Variants in NOSTRIN observed in about 807,000 individuals in gnomAD.
NOSTRIN encodes nitric oxide synthase trafficking.
Under a neutral mutation model 59.0 loss-of-function variants are expected in NOSTRIN, and 63 were observed. The observed-to-expected ratio is 1.07, with a 90% CI of 0.87 to 1.32. The LOEUF (loss-of-function observed/expected upper bound fraction) is 1.32. NOSTRIN is among the 40% of genes most tolerant of loss of function. The pLI is 0.00. For missense variants in NOSTRIN, 512 were observed against 473.1 expected (o/e 1.08, Z -0.76); for synonymous variants, 200 against 165.4 (o/e 1.21, Z -1.61).
At chr2:168,852,525 G>A (rs943862845) in intron 10 of NOSTRIN, among the ~76,000 whole-genome samples, 5 of 152,148 alleles carry the variant, frequency 3.3e-5, no homozygotes, top group South Asian at 4.1e-4. Flanking sequence ...TTCTGATAGC[G>A]TTTCCCTGGG....
intron 5 of NOSTRIN, among the ~76,000 whole-genome samples, chr2:168,830,806 T>C (rs2105648143): frequency 6.6e-6 from 1 of 152,308 alleles, no homozygotes; most frequent in South Asian, 2.1e-4. Flanking sequence ...TTTCATAGTG[T>C]TGAGGTTTTT....
intron 7 of NOSTRIN, among the ~76,000 whole-genome samples, chr2:168,835,472 C>G (rs139331194): frequency 6.6e-6 from 1 of 152,114 alleles, no homozygotes; most frequent in Non-Finnish European, 1.5e-5. Context: ...AACTCACAAC[C>G]AGGAGAGGTG....
At chr2:168,812,952 G>A (rs548367) in intron 2 of NOSTRIN, among the ~76,000 whole-genome samples, 55,469 of 152,044 alleles carry the variant, frequency 0.36, 11,079 homozygotes, top group South Asian at 0.6. Context: ...AGATATGAGC[G>A]AGCTGAAACA....
At chr2:168,845,432 A>G (rs2105730070) in intron 8 of NOSTRIN, among the ~76,000 whole-genome samples, 1 of 152,300 alleles carries the variant, frequency 6.6e-6, no homozygotes, top group South Asian at 2.1e-4. Context: ...TCACCCTTCT[A>G]CCTACATCGC....
At chr2:168,844,000 T>C (rs973069565) in intron 8 of NOSTRIN, among the ~76,000 whole-genome samples, 1 of 152,206 alleles carries the variant, frequency 6.6e-6, no homozygotes, top group Admixed American at 6.5e-5. Context: ...ATTTGGAAAG[T>C]GAACTAATAT....
rs185203685 is a variant in NOSTRIN, at chr2:168,846,486, T to C, written c.630+3369T>C. 5.9e-5 allele frequency among the ~76,000 whole-genome samples: 9 copies of C among 152,344 alleles called. No individual in the cohort carries two copies. The East Asian group carries it at 1.4e-3, about 23-fold the overall frequency. On this transcript the variant is annotated intron_variant, in intron 8 of 15. Coordinates refer to ENST00000317647, the MANE Select transcript of NOSTRIN (RefSeq NM_001039724.4). ...AGTGTAGTAGATACTGTGAGAAATA[T>C]TGTAAAGCCTCAAATGTGACTATAA...
At chr2:168,863,921 T>TTA (rs1298936046) in intron 15 of NOSTRIN, among the ~76,000 whole-genome samples, 16 of 152,232 alleles carry the variant, frequency 1.1e-4, no homozygotes, top group African/African-American at 3.9e-4. Flanking sequence ...TTTTTTATTT[T>TTA]TTTTTTTGAG....
At chr2:168,790,123 C>T (rs763872718) in intron 2 of NOSTRIN, among the ~76,000 whole-genome samples, 12 of 152,094 alleles carry the variant, frequency 7.9e-5, no homozygotes, top group Admixed American at 6.5e-5. Context: ...CTCTTTGCCT[C>T]GTGTGTTGAA....
At position 168,856,762 on chromosome 2, in the gene NOSTRIN, C is replaced by T; in HGVS notation, c.1037C>T (p.Ala346Val). Residue 346 changes from alanine (A) to valine (V), a missense_variant, in exon 12 of 16, where the codon GCA becomes GTA. Transcript: ENST00000317647. ...FSDAKSQKDT[A>V]ALMDENNLKL... Reference sequence around the variant, plus strand: ...GATGCAAAGAGCCAGAAAGACACAGCAGCGTTAATGGATGAGGTAAATGTT... The same window carrying T: ...GATGCAAAGAGCCAGAAAGACACAGTAGCGTTAATGGATGAGGTAAATGTT... 6.2e-7 allele frequency: 1 copy of T among 1,614,036 alleles called. No individual in the cohort carries two copies. Among genetic ancestry groups the T allele is most frequent in the South Asian group, 1.1e-5 (1 of 91,082 alleles).
chr2:168,791,677 C>G (rs1390403538), intron 2 of NOSTRIN, among the ~76,000 whole-genome samples: 1 of 152,124 alleles, frequency 6.6e-6, no homozygotes, highest in Non-Finnish European at 1.5e-5. Context: ...TTTTAATGAT[C>G]ACCATTCTAA....
upstream of NOSTRIN, among the ~76,000 whole-genome samples, chr2:168,798,685 G>A (rs1281612941): frequency 1.3e-5 from 2 of 152,152 alleles, no homozygotes; most frequent in African/African-American, 4.8e-5. Context: ...ATGAGTGCGG[G>A]TCAGAAATGT....
chr2:168,856,743 A>C lies in NOSTRIN; in HGVS notation c.1018A>C (p.Lys340Gln), dbSNP rs367745481. The part of the protein sequence containing the change: ...YSSTSSFSDA[K>Q]SQKDTAALMD... ...CAGCACCTCCTCCTTCTCTGATGCA[A>C]AGAGCCAGAAAGACACAGCAGCGTT... Residue 340 changes from lysine to glutamine, a missense_variant, in exon 12 of 16, where the codon AAG (lysine) becomes CAG (glutamine). Transcript: ENST00000317647. 20 of 1,614,062 alleles carry C rather than the reference A, an allele frequency of 1.2e-5. No individual in the cohort carries two copies. Among genetic ancestry groups the C allele is most frequent in the Non-Finnish European group, 1.5e-5 (18 of 1,180,008 alleles).
At chr2:168,822,288 C>T (rs566441017) in intron 2 of NOSTRIN, among the ~76,000 whole-genome samples, 16 of 152,276 alleles carry the variant, frequency 1.1e-4, no homozygotes, top group African/African-American at 3.9e-4. Context: ...AGCATACATC[C>T]TGCAATGACT....
chr2:168,841,627 G>A (rs1173838427), intron 7 of NOSTRIN, among the ~76,000 whole-genome samples: 1 of 152,200 alleles, frequency 6.6e-6, no homozygotes, highest in Non-Finnish European at 1.5e-5. Flanking sequence ...TAAATTTTGA[G>A]TGCTATGCCA....
chr2:168,807,269 TACAC>T (rs563859498), intron 1 of NOSTRIN, among the ~76,000 whole-genome samples: 1 of 151,454 alleles, frequency 6.6e-6, no homozygotes, highest in Non-Finnish European at 1.5e-5. Flanking sequence ...CACACATACA[TACAC>T]ACACACACAG....
chr2:168,837,662 C>T lies in NOSTRIN; in HGVS notation c.504+3337C>T, dbSNP rs190470395. Among the ~76,000 whole-genome samples, 31 of 152,252 alleles carry T rather than the reference C, an allele frequency of 2.0e-4. 1 individual carries two copies. The highest frequency in any genetic ancestry group is 1.5e-4 in the Non-Finnish European group (10 of 68,024). Reference sequence around the variant, plus strand: ...ATCTGCTCTGTTTCCACTTCCTCATCTTCTGTTCACTCTTCAAATCACCCT... The same window carrying T: ...ATCTGCTCTGTTTCCACTTCCTCATTTTCTGTTCACTCTTCAAATCACCCT... On this transcript the variant is annotated intron_variant, in intron 7 of 15. Transcript: ENST00000317647.
chr2:168,807,411 A>G (rs574625458), intron 1 of NOSTRIN, among the ~76,000 whole-genome samples: 1 of 152,326 alleles, frequency 6.6e-6, no homozygotes, highest in Non-Finnish European at 1.5e-5. Context: ...TTGATTCTAA[A>G]TAAGGGTTTA....
chr2:168,816,260 C>T (rs1240283832), intron 2 of NOSTRIN, among the ~76,000 whole-genome samples: 3 of 152,202 alleles, frequency 2.0e-5, no homozygotes, highest in Admixed American at 6.5e-5. Flanking sequence ...GGCCCTGTGC[C>T]TGTCTTTAAC....
intron 1 of NOSTRIN, among the ~76,000 whole-genome samples, chr2:168,803,184 A>C (rs1004593916): frequency 6.6e-6 from 1 of 152,178 alleles, no homozygotes; most frequent in Admixed American, 6.5e-5. Flanking sequence ...AGACTGGTTT[A>C]GCAGCATGTT....
Sources: allele counts gnomAD v4.1 joint callset (sites outside exome capture counted in the v4.1 genomes callset), GRCh38; gene constraint gnomAD v4.1.1; transcripts MANE v1.5; gene names NCBI Gene and HGNC (gene_info 2026-07-23, HGNC 2026-07-21).